PCDHA11: variants seen among roughly 807,000 people sequenced by gnomAD.
The protein encoded by PCDHA11 is protocadherin alpha 11, also known as protocadherin alpha-11.
In PCDHA11, 61 loss-of-function variants were observed where a neutral mutation model predicts 70.3. The observed-to-expected ratio is 0.87, with a 90% confidence interval of 0.71 to 1.07. The LOEUF is 1.07. Ranked by LOEUF, PCDHA11 falls within the 50% of genes least tolerant of loss-of-function variation. The pLI is 0.00. For missense variants in PCDHA11, 1,324 were observed against 1,237.5 expected (o/e 1.07, Z -1.05); for synonymous variants, 633 against 555.1 (o/e 1.14, Z -1.97).
At chr5:140,921,134 C>G (rs2080042608) in intron 1 of PCDHA11, among the ~76,000 whole-genome samples, 1 of 111,400 alleles carries the variant, frequency 9.0e-6, no homozygotes, top group African/African-American at 3.7e-5. Flanking sequence ...GTGCACACCA[C>G]TACACCCAGC....
At chr5:140,998,850 A>G (rs904977478) in intron 3 of PCDHA11, among the ~76,000 whole-genome samples, 18 of 152,234 alleles carry the variant, frequency 1.2e-4, no homozygotes, top group Non-Finnish European at 2.1e-4. Context: ...GGTGTGAGCC[A>G]CATGCCTGGC....
chr5:140,893,467 A>G (rs2064001411), intron 1 of PCDHA11, among the ~76,000 whole-genome samples: 1 of 152,186 alleles, frequency 6.6e-6, no homozygotes, highest in Non-Finnish European at 1.5e-5. Context: ...AGCCTGGGCA[A>G]CATAGCAAGA....
chr5:140,879,720 G>C (rs1275273892), intron 1 of PCDHA11, among the ~76,000 whole-genome samples: 1 of 152,212 alleles, frequency 6.6e-6, no homozygotes, highest in Non-Finnish European at 1.5e-5. Flanking sequence ...TTGGAGACCA[G>C]AAGTCCAAAA....
chr5:140,907,648 G>T (rs2153502267), intron 1 of PCDHA11, among the ~76,000 whole-genome samples: 1 of 152,312 alleles, frequency 6.6e-6, no homozygotes, highest in East Asian at 1.9e-4. Flanking sequence ...TGGCAAATTG[G>T]GCACTCAGCA....
intron 1 of PCDHA11, chr5:140,927,270 C>A (rs541200655): frequency 1.2e-6 from 2 of 1,614,034 alleles, no homozygotes; most frequent in Non-Finnish European, 1.7e-6. Context: ...TCTTTCCTGC[C>A]GGCGACGTGC....
At chr5:140,982,935 T>C (rs2097016879) in intron 3 of PCDHA11, among the ~76,000 whole-genome samples, 2 of 151,876 alleles carry the variant, frequency 1.3e-5, no homozygotes, top group African/African-American at 4.9e-5. Context: ...ACAAAGATCT[T>C]TTGGTTGAAG....
intron 1 of PCDHA11, chr5:140,882,209 A>G (rs781846726): frequency 5.2e-6 from 8 of 1,531,724 alleles, no homozygotes; most frequent in Non-Finnish European, 7.0e-6. Context: ...GCCTTGAGAG[A>G]CAGTTTGAGG....
At chr5:140,878,577 G>A (rs1228813773) in intron 1 of PCDHA11, among the ~76,000 whole-genome samples, 2 of 152,122 alleles carry the variant, frequency 1.3e-5, no homozygotes, top group African/African-American at 2.4e-5. Context: ...GTATACCACT[G>A]CCCTGTGCCT....
At chr5:140,880,582 A>G (rs2058391478) in intron 1 of PCDHA11, among the ~76,000 whole-genome samples, 1 of 152,230 alleles carries the variant, frequency 6.6e-6, no homozygotes, top group South Asian at 2.1e-4. Flanking sequence ...GAAGAGAGGA[A>G]AGAGAATATG....
At chr5:140,954,275 T>C (rs1447578594) in intron 1 of PCDHA11, among the ~76,000 whole-genome samples, 1 of 152,218 alleles carries the variant, frequency 6.6e-6, no homozygotes, top group Non-Finnish European at 1.5e-5. Context: ...AATAGGATGA[T>C]TTATATTCCT....
intron 1 of PCDHA11, among the ~76,000 whole-genome samples, chr5:140,946,059 G>GA (rs2093880331): frequency 6.6e-6 from 1 of 152,156 alleles, no homozygotes; most frequent in East Asian, 1.9e-4. Flanking sequence ...CAGAATGGGA[G>GA]AAAATATTTG....
At chr5:140,924,484 A>G (rs1198741385) in intron 1 of PCDHA11, among the ~76,000 whole-genome samples, 1 of 152,184 alleles carries the variant, frequency 6.6e-6, no homozygotes, top group Non-Finnish European at 1.5e-5. Flanking sequence ...TTTTAGTGGA[A>G]CACTGGCATT....
chr5:140,929,428 G>A, intron 1 of PCDHA11: 1 of 1,491,484 alleles, frequency 6.7e-7, no homozygotes. Flanking sequence ...TTCATCAATT[G>A]AACTAAACAC....
intron 1 of PCDHA11, among the ~76,000 whole-genome samples, chr5:140,952,656 T>A (rs1554220534): frequency 6.6e-6 from 1 of 152,188 alleles, no homozygotes; most frequent in Admixed American, 6.5e-5. Flanking sequence ...GTTACCCAGT[T>A]CCAAAGTCAC....
intron 1 of PCDHA11, chr5:140,967,369 G>A (rs147557274): frequency 2.4e-5 from 38 of 1,607,564 alleles, no homozygotes; most frequent in Non-Finnish European, 2.9e-5. Context: ...AGCCCCTGCA[G>A]GAGAACAGTA....
At position 140,941,206 on chromosome 5, in the gene PCDHA11, TCTTTCTTC is replaced by T. The variant is rs1268159199; in HGVS notation, c.2392-37735_2392-37728del. Among the ~76,000 whole-genome samples the T allele has an allele frequency of 1.2e-3, 117 of 95,670 alleles. 1 individual carries two copies. The highest frequency in any genetic ancestry group is 8.3e-3 in the South Asian group (27 of 3,240). The allele number at this position is 95,670 out of a possible 152,430, so 62.8% of individuals were successfully genotyped here. A position where few individuals can be genotyped will look rare whatever the true frequency, so the allele number is the denominator to read the frequency against. On this transcript the variant is annotated intron_variant, in intron 1 of 3. Coordinates refer to ENST00000398640, the MANE Select transcript of PCDHA11 (RefSeq NM_018902.5). ...GCTTCTTTTTTTTTCTTTCTTCCTTTCTTTCTTCCTTTCTTTCTTTCTTTCTTTCTTTC... is the reference window on the plus strand; with the variant it reads ...GCTTCTTTTTTTTTCTTTCTTCCTTTCTTTCTTTCTTTCTTTCTTTCTTTC...
At chr5:140,878,575 C>T (rs1339417321) in intron 1 of PCDHA11, among the ~76,000 whole-genome samples, 1 of 152,222 alleles carries the variant, frequency 6.6e-6, no homozygotes, top group African/African-American at 2.4e-5. Context: ...TAGTATACCA[C>T]TGCCCTGTGC....
chr5:140,943,276 AAGAAAG>A (rs2093462778), intron 1 of PCDHA11, among the ~76,000 whole-genome samples: 3 of 135,982 alleles, frequency 2.2e-5, no homozygotes, highest in African/African-American at 8.7e-5. Flanking sequence ...AAAAAAAAAA[AAGAAAG>A]AAAGAATTAA....
intron 2 of PCDHA11, among the ~76,000 whole-genome samples, chr5:140,980,855 C>T (rs1313101029): frequency 2.6e-5 from 4 of 151,960 alleles, no homozygotes; most frequent in South Asian, 2.1e-4. Flanking sequence ...TAATCTTTTT[C>T]GTATGTGTGC....
Sources: allele counts gnomAD v4.1 joint callset (sites outside exome capture counted in the v4.1 genomes callset), GRCh38; gene constraint gnomAD v4.1.1; transcripts MANE v1.5; gene names NCBI Gene and HGNC (gene_info 2026-07-23, HGNC 2026-07-21).